The following PEX5L variants were observed in gnomAD, a reference collection of about 807,000 sequenced individuals.
PEX5L encodes peroxisomal biogenesis factor 5 like, also known as PEX5-related protein.
Under a neutral mutation model 84.0 loss-of-function variants are expected in PEX5L, and 30 were observed. The observed-to-expected ratio is 0.36, with a 90% CI of 0.27 to 0.48. The LOEUF is 0.48. Among genes scored for constraint, PEX5L ranks in the 20% least tolerant of loss-of-function variants. PEX5L has a pLI of 0.99. For synonymous variants in PEX5L, 270 were observed against 283.1 expected (o/e 0.95, Z 0.46); for missense variants, 533 against 754.6 (o/e 0.71, Z 3.44).
chr3:179,980,307 G>GTTA (rs547368439), intron 1 of PEX5L, among the ~76,000 whole-genome samples: 5 of 151,710 alleles, frequency 3.3e-5, no homozygotes, highest in African/African-American at 7.3e-5. Flanking sequence ...ACTTTTGAGG[G>GTTA]TTATTATTAT....
chr3:179,885,509 G>A (rs1407513956), intron 4 of PEX5L, among the ~76,000 whole-genome samples: 1 of 152,152 alleles, frequency 6.6e-6, no homozygotes, highest in Admixed American at 6.5e-5. Context: ...AGCCAGTCGT[G>A]GTGGCAGGTG....
chr3:180,005,126 C>A (rs1788760647), intron 1 of PEX5L, among the ~76,000 whole-genome samples: 1 of 151,864 alleles, frequency 6.6e-6, no homozygotes, highest in Non-Finnish European at 1.5e-5. Context: ...ATCTTTCTGA[C>A]TGAAAGAGAA....
chr3:179,998,075 C>A (rs567104030), intron 1 of PEX5L, among the ~76,000 whole-genome samples: 234 of 152,296 alleles, frequency 1.5e-3, no homozygotes, highest in Non-Finnish European at 2.9e-3. Flanking sequence ...CATTTGTGTG[C>A]CACAGGATGG....
At chr3:179,874,939 C>T (rs1436921846) in intron 6 of PEX5L, among the ~76,000 whole-genome samples, 2 of 151,148 alleles carry the variant, frequency 1.3e-5, no homozygotes, top group African/African-American at 2.4e-5. Context: ...TTCTCATAAG[C>T]ATCAATGCAT....
chr3:179,823,526 T>G (rs1729275431), intron 8 of PEX5L, among the ~76,000 whole-genome samples: 1 of 152,224 alleles, frequency 6.6e-6, no homozygotes, highest in Non-Finnish European at 1.5e-5. Context: ...CAGTTTTTAA[T>G]GTACTTTTTA....
chr3:179,875,283 C>T, intron 6 of PEX5L, 71 bp downstream of exon 6: 1 of 1,452,486 alleles, frequency 6.9e-7, no homozygotes, highest in Non-Finnish European at 9.6e-7. Flanking sequence ...TGACTTAACT[C>T]TTTGGCTATT....
chr3:179,839,360 T>G (rs1271863271), intron 8 of PEX5L, among the ~76,000 whole-genome samples: 2 of 152,228 alleles, frequency 1.3e-5, no homozygotes, highest in Non-Finnish European at 2.9e-5. Context: ...CTGTATTCTT[T>G]AGCTAAAAAT....
At chr3:179,872,295 A>T (rs554493910) in intron 7 of PEX5L, among the ~76,000 whole-genome samples, 2 of 152,330 alleles carry the variant, frequency 1.3e-5, no homozygotes, top group South Asian at 4.1e-4. Context: ...CAAATTCATG[A>T]AATTTTCCTA....
intron 4 of PEX5L, among the ~76,000 whole-genome samples, chr3:179,882,533 A>C (rs1255029213): frequency 6.6e-6 from 1 of 152,234 alleles, no homozygotes; most frequent in Non-Finnish European, 1.5e-5. Context: ...CCAGCTTTGA[A>C]GCTGGGAAAG....
chr3:179,874,653 G>A (rs1411339722), intron 6 of PEX5L, among the ~76,000 whole-genome samples: 2 of 144,246 alleles, frequency 1.4e-5, no homozygotes, highest in African/African-American at 2.6e-5. Context: ...AATTCAGTTC[G>A]ATTATGGGCA....
chr3:179,943,896 C>T (rs1335885298), intron 2 of PEX5L, among the ~76,000 whole-genome samples: 1 of 152,076 alleles, frequency 6.6e-6, no homozygotes, highest in Non-Finnish European at 1.5e-5. Flanking sequence ...GGAAGCAGGA[C>T]CAGATAAGGC....
chr3:179,850,975 T>C (rs967477692), intron 8 of PEX5L, among the ~76,000 whole-genome samples: 3 of 152,220 alleles, frequency 2.0e-5, no homozygotes. Context: ...TCCAATTTTG[T>C]TCAATAACTT....
At chr3:180,003,735 A>C (rs1788626881) in intron 1 of PEX5L, among the ~76,000 whole-genome samples, 1 of 152,196 alleles carries the variant, frequency 6.6e-6, no homozygotes, top group South Asian at 2.1e-4. Flanking sequence ...TAAGAACAAA[A>C]GGCAACTAAA....
chr3:179,852,973 AAATTG>A (rs1742484172), intron 8 of PEX5L, among the ~76,000 whole-genome samples: 1 of 152,240 alleles, frequency 6.6e-6, no homozygotes, highest in South Asian at 2.1e-4. Context: ...TTAAAATAAT[AAATTG>A]TTAATTTGTT....
At chr3:179,998,474 G>A (rs770839633) in intron 1 of PEX5L, among the ~76,000 whole-genome samples, 5 of 152,284 alleles carry the variant, frequency 3.3e-5, no homozygotes, top group East Asian at 1.9e-4. Flanking sequence ...TGGAGCCTTC[G>A]GCAGACCTCT....
At chr3:179,936,123 G>GT (rs1003434675) in intron 2 of PEX5L, among the ~76,000 whole-genome samples, 88 of 152,296 alleles carry the variant, frequency 5.8e-4, no homozygotes, top group African/African-American at 2.0e-3. Context: ...GCAGTCCACT[G>GT]TATGTTGTAT....
intron 2 of PEX5L, among the ~76,000 whole-genome samples, chr3:179,926,122 A>G (rs1299267028): frequency 6.6e-6 from 1 of 151,956 alleles, no homozygotes; most frequent in Non-Finnish European, 1.5e-5. Flanking sequence ...GCAATATCCA[A>G]TCCATCAGCA....
At position 179,954,203 on chromosome 3, in the gene PEX5L, TCGGGG is replaced by T. The variant is rs57051960; in HGVS notation, c.93+17386_93+17390del. 7.9e-3 allele frequency among the ~76,000 whole-genome samples: 853 copies of T among 108,104 alleles called. 16 individuals carry two copies. Among genetic ancestry groups the T allele is most frequent in the African/African-American group, 0.029 (817 of 28,066 alleles). 70.9% of individuals were successfully genotyped at this position (108,104 alleles called of 152,430 possible). A position where few individuals can be genotyped will look rare whatever the true frequency, so the allele number is the denominator to read the frequency against. ...AACAAGCCCAGAAATTAACCATTAG[TCGGGG>T]GGGGGGGAAAAAGTCAGCCATGAGT... On this transcript the variant is annotated intron_variant, in intron 2 of 14. Transcript: ENST00000467460.
At chr3:179,859,206 T>C in intron 7 of PEX5L, 49 bp from the exon 8 acceptor site, 1 of 1,340,882 alleles carries the variant, frequency 7.5e-7, no homozygotes, top group South Asian at 1.2e-5. Context: ...TCACATGTTA[T>C]TATAGAAATA....
Sources: allele counts gnomAD v4.1 joint callset (sites outside exome capture counted in the v4.1 genomes callset), GRCh38; gene constraint gnomAD v4.1.1; transcripts MANE v1.5; gene names NCBI Gene and HGNC (gene_info 2026-07-23, HGNC 2026-07-21).